Variants in EDA observed in about 807,000 individuals in gnomAD.
EDA encodes ectodysplasin A, also known as ectodysplasin-A.
A neutral mutation model predicts 23.6 loss-of-function variants in EDA; 2 were observed. The observed-to-expected ratio is 0.08, with a 90% CI of 0.03 to 0.27. The LOEUF is 0.27. EDA is among the 10% of genes least tolerant of loss of function. The pLI is 1.00. For missense variants in EDA, 229 were observed against 324.2 expected (o/e 0.71, Z 2.26); for synonymous variants, 131 against 132.0 (o/e 0.99, Z 0.05).
At chrX:69,673,170 A>T (rs957669746) in intron 1 of EDA, among the ~76,000 whole-genome samples, 4 of 111,380 alleles carry the variant, frequency 3.6e-5, no homozygotes, top group African/African-American at 1.3e-4. Context: ...TTTTGGCAAG[A>T]GTGTAACAGC....
chrX:69,782,327 G>C (rs1339224689), intron 1 of EDA, among the ~76,000 whole-genome samples: 1 of 94,828 alleles, frequency 1.1e-5, no homozygotes, highest in Non-Finnish European at 2.0e-5. Flanking sequence ...AGTTTTGTTT[G>C]TCACCAAGTG....
intron 1 of EDA, among the ~76,000 whole-genome samples, chrX:69,923,309 G>A (rs1602536995): frequency 9.1e-6 from 1 of 109,489 alleles, no homozygotes. Flanking sequence ...CCCCAAACAA[G>A]CCCTGGTGTG....
At chrX:69,685,788 G>A (rs1934521081) in intron 1 of EDA, among the ~76,000 whole-genome samples, 1 of 111,929 alleles carries the variant, frequency 8.9e-6, no homozygotes, top group South Asian at 3.7e-4. Context: ...CCAAACTAAA[G>A]TCAGTTCAGA....
At chrX:69,648,808 T>C (rs866932451) in intron 1 of EDA, among the ~76,000 whole-genome samples, 1 of 111,684 alleles carries the variant, frequency 9.0e-6, no homozygotes, top group African/African-American at 3.3e-5. Flanking sequence ...ATAAAACTCT[T>C]GGGTTTCTGT....
chrX:69,753,023 A>G (rs1404257333), intron 1 of EDA, among the ~76,000 whole-genome samples: 1 of 110,602 alleles, frequency 9.0e-6, no homozygotes, highest in Non-Finnish European at 1.9e-5. Flanking sequence ...TTTTCAAAAA[A>G]CCAGCTCCTG....
intron 1 of EDA, among the ~76,000 whole-genome samples, chrX:69,949,662 C>CA (rs1159499786): frequency 4.8e-4 from 53 of 109,503 alleles, no homozygotes; most frequent in African/African-American, 7.0e-4. Flanking sequence ...CAATTAGAGT[C>CA]AAAAAAAAAT....
chrX:69,810,187 G>A (rs1367524823), intron 1 of EDA, among the ~76,000 whole-genome samples: 2 of 83,918 alleles, frequency 2.4e-5, no homozygotes, highest in Non-Finnish European at 4.3e-5. Context: ...GAACCTGGGA[G>A]GCAGAGGTTG....
intron 1 of EDA, among the ~76,000 whole-genome samples, chrX:69,730,031 T>C (rs2012960706): frequency 9.0e-6 from 1 of 111,721 alleles, no homozygotes; most frequent in Non-Finnish European, 1.9e-5. Flanking sequence ...TTTTTTAATT[T>C]TTAAAATTTT....
intron 1 of EDA, among the ~76,000 whole-genome samples, chrX:69,760,250 T>C (rs931038442): frequency 9.5e-5 from 10 of 105,092 alleles, no homozygotes; most frequent in Middle Eastern, 5.1e-3. Flanking sequence ...ATCATCATCA[T>C]TTTGCCTAGC....
intron 1 of EDA, among the ~76,000 whole-genome samples, chrX:69,687,261 T>TA (rs1170925675): frequency 5.8e-4 from 63 of 109,517 alleles, no homozygotes; most frequent in African/African-American, 2.0e-3. Context: ...TTCAATTGAG[T>TA]AGTTTTTTTT....
intron 1 of EDA, among the ~76,000 whole-genome samples, chrX:69,812,862 A>G (rs2015992948): frequency 9.0e-6 from 1 of 111,635 alleles, no homozygotes. Flanking sequence ...TACTCTTGAA[A>G]TGTATTTTTG....
intron 2 of EDA, among the ~76,000 whole-genome samples, chrX:69,973,877 A>G (rs2019280260): frequency 9.0e-6 from 1 of 111,535 alleles, no homozygotes; most frequent in Non-Finnish European, 1.9e-5. Flanking sequence ...AACAAAAGAA[A>G]AAACTATGTT....
intron 1 of EDA, among the ~76,000 whole-genome samples, chrX:69,807,649 A>G (rs1360549831): frequency 1.8e-5 from 2 of 108,787 alleles, no homozygotes; most frequent in African/African-American, 3.4e-5. Context: ...TTCTAATGCC[A>G]TAGACTTTCA....
At chrX:69,654,682 CA>C (rs1474174728) in intron 1 of EDA, among the ~76,000 whole-genome samples, 1 of 107,553 alleles carries the variant, frequency 9.3e-6, no homozygotes, top group African/African-American at 3.4e-5. Context: ...TCATTCTCAG[CA>C]AACCATCGCA....
At chrX:69,736,319 A>G (rs2013256427) in intron 1 of EDA, among the ~76,000 whole-genome samples, 1 of 110,396 alleles carries the variant, frequency 9.1e-6, no homozygotes, top group Non-Finnish European at 1.9e-5. Flanking sequence ...AAAAAAGGAC[A>G]CCCACTTATG....
chrX:69,814,403 T>C (rs1310775696), intron 1 of EDA, among the ~76,000 whole-genome samples: 1 of 113,281 alleles, frequency 8.8e-6, no homozygotes, highest in Non-Finnish European at 1.9e-5. Flanking sequence ...TCTAGCTATA[T>C]TTAACCCTCC....
intron 1 of EDA, among the ~76,000 whole-genome samples, chrX:69,672,244 A>G (rs1027799036): frequency 4.5e-5 from 5 of 111,289 alleles, no homozygotes; most frequent in African/African-American, 1.6e-4. Context: ...CATGTTTTTA[A>G]ATGGGAAACC....
chrX:69,822,994 A>G (rs1396953295), intron 1 of EDA, among the ~76,000 whole-genome samples: 4 of 99,403 alleles, frequency 4.0e-5, no homozygotes, highest in African/African-American at 1.5e-4. Flanking sequence ...ATGATTTCCA[A>G]TTTCATCCAA....
At chrX:69,883,857 G>T (rs775266568) in intron 1 of EDA, among the ~76,000 whole-genome samples, 13 of 110,756 alleles carry the variant, frequency 1.2e-4, no homozygotes, top group African/African-American at 4.3e-4. Context: ...AGCATTTTGG[G>T]AGGCAAAGGT....
Sources: gnomAD v4.1 joint callset for allele counts (sites outside exome capture counted in the v4.1 genomes callset) on GRCh38, gnomAD v4.1.1 for gene constraint, MANE v1.5 for transcripts, NCBI Gene and HGNC (gene_info 2026-07-23, HGNC 2026-07-21) for gene names.